Variants in HIP1 observed in about 807,000 individuals in gnomAD.
HIP1 encodes huntingtin interacting protein 1.
In HIP1, 65 loss-of-function variants were observed where a neutral mutation model predicts 147.6. That is an observed-to-expected ratio of 0.44 (90% CI 0.36 to 0.54). HIP1 has a LOEUF of 0.54. Among genes scored for constraint, HIP1 ranks in the 20% least tolerant of loss-of-function variants. HIP1 has a pLI of 0.00. For synonymous variants in HIP1, 479 were observed against 504.0 expected, an observed-to-expected ratio of 0.95 and a Z score of 0.67; for missense variants, 1,061 against 1,299.6, an observed-to-expected ratio of 0.82 and a Z score of 2.82.
chr7:75,568,197 A>G lies in HIP1; in HGVS notation c.803+2T>C, dbSNP rs782226067. 1.2e-6 allele frequency: 2 copies of G among 1,607,262 alleles called. No homozygotes were observed. The highest frequency in any genetic ancestry group is 1.7e-6 in the Non-Finnish European group (2 of 1,173,934). On this transcript the variant is annotated splice_donor_variant, in intron 9 of 30. Transcript: ENST00000336926. LOFTEE classifies it high-confidence loss of function. This position sits in a 1 kb window ranked among gnomAD's most constrained non-coding sequence, Gnocchi z 4.1. ...TCCATTCCTGTTACTTGAACCACTT[A>G]CTTTGTAAACTGCTCCATGAAGCGG...
intron 8 of HIP1, among the ~76,000 whole-genome samples, chr7:75,569,741 A>G (rs1406882485): frequency 1.3e-5 from 2 of 152,200 alleles, no homozygotes; most frequent in African/African-American, 4.8e-5. Flanking sequence ...TCAGGCAAAC[A>G]GAATTCAGGA....
chr7:75,535,117 T>C lies in HIP1; in HGVS notation c.*3055A>G, dbSNP rs746484138. 3 of 216,752 alleles carry C rather than the reference T, an allele frequency of 1.4e-5. No homozygotes were observed. The highest frequency in any genetic ancestry group is 2.8e-5 in the Non-Finnish European group (3 of 107,614). The allele number at this position is 216,752 out of a possible 1,614,324, so 13.4% of individuals were successfully genotyped here. On this transcript the variant is annotated 3_prime_UTR_variant, in exon 31 of 31. Transcript: ENST00000336926. ...AATTATGTGACATCTGACAGCTACT[T>C]CCTCATGTGACACTGAATTAGCCTC...
At chr7:75,565,969 C>T (rs181526210) in intron 9 of HIP1, among the ~76,000 whole-genome samples, 2 of 151,334 alleles carry the variant, frequency 1.3e-5, no homozygotes, top group East Asian at 3.9e-4. Flanking sequence ...TTGCTTCGGC[C>T]TCCCAAAGTG....
chr7:75,547,726 C>G, intron 24 of HIP1, 29 bp downstream of exon 24: 1 of 1,591,620 alleles, frequency 6.3e-7, no homozygotes, highest in Non-Finnish European at 8.6e-7. Flanking sequence ...TCCTGCTCCC[C>G]TAGGTCCCAC....
At chr7:75,573,042 C>T (rs76734560) in intron 8 of HIP1, among the ~76,000 whole-genome samples, 2,874 of 152,276 alleles carry the variant, frequency 0.019, 90 homozygotes, top group African/African-American at 0.066. Flanking sequence ...GGTGAAAGGG[C>T]GGGTCCCCGG....
chr7:75,605,693 G>C (rs187413765), intron 1 of HIP1, among the ~76,000 whole-genome samples: 1 of 152,052 alleles, frequency 6.6e-6, no homozygotes, highest in African/African-American at 2.4e-5. Context: ...ACATTACCAC[G>C]CCTGGCTAAT....
chr7:75,669,055 T>C, intron 1 of HIP1, among the ~76,000 whole-genome samples: 1 of 148,296 alleles, frequency 6.7e-6, no homozygotes, highest in Non-Finnish European at 1.5e-5. Flanking sequence ...TCGTTTCTAC[T>C]TAAAACAAAC....
At chr7:75,595,236 C>CTTTCTTTCTTTCTTTCTT (rs1796667169) in intron 2 of HIP1, among the ~76,000 whole-genome samples, 11 of 114,618 alleles carry the variant, frequency 9.6e-5, no homozygotes, top group African/African-American at 4.5e-4. Flanking sequence ...TTCTTTCTTT[C>CTTTCTTTCTTTCTTTCTT]TTTCTTTCTT....
At chr7:75,606,186 G>C (rs962095847) in intron 1 of HIP1, among the ~76,000 whole-genome samples, 10 of 152,208 alleles carry the variant, frequency 6.6e-5, no homozygotes, top group African/African-American at 2.4e-4. Flanking sequence ...AGGAAAAATG[G>C]AATCAAAATG....
intron 1 of HIP1, among the ~76,000 whole-genome samples, chr7:75,658,641 C>T (rs1032710046): frequency 1.3e-5 from 2 of 151,934 alleles, no homozygotes; most frequent in Admixed American, 6.6e-5. Flanking sequence ...GGAGGCCAGG[C>T]GCCGTGGCTC....
At position 75,564,514 on chromosome 7, in the gene HIP1, G is replaced by A. The variant is rs587693159; in HGVS notation, c.804-1251C>T. Among the ~76,000 whole-genome samples, 17 of 152,136 alleles carry A rather than the reference G, an allele frequency of 1.1e-4. No individual in the cohort carries two copies. The South Asian group carries it at 2.1e-3, about 19-fold the overall frequency. ...TCTCCATGTTGGTCAGGCTGGTTTC[G>A]AACTCCCGACCTCAGGTGATCCGCC... is the stretch of plus-strand genomic sequence containing the variant. On this transcript the variant is annotated intron_variant, in intron 9 of 30. Transcript: ENST00000336926.
chr7:75,575,931 C>G (rs192035425), intron 7 of HIP1, among the ~76,000 whole-genome samples: 28 of 152,186 alleles, frequency 1.8e-4, no homozygotes, highest in African/African-American at 6.5e-4. Flanking sequence ...AAAAAAATCC[C>G]GAACTGTTCT....
intron 2 of HIP1, among the ~76,000 whole-genome samples, chr7:75,595,236 C>CTTTCTTTCTTTCTTTCTTTCTTTCTT (rs1796667169): frequency 8.7e-6 from 1 of 114,618 alleles, no homozygotes; most frequent in African/African-American, 4.1e-5. Flanking sequence ...TTCTTTCTTT[C>CTTTCTTTCTTTCTTTCTTTCTTTCTT]TTTCTTTCTT....
intron 1 of HIP1, among the ~76,000 whole-genome samples, chr7:75,659,437 T>C (rs1455378628): frequency 6.6e-6 from 1 of 152,248 alleles, no homozygotes; most frequent in Middle Eastern, 3.4e-3. Context: ...GGTGTGTAGA[T>C]CACTTGATCG....
chr7:75,572,534 CAGAG>C (rs2116885810), intron 8 of HIP1, among the ~76,000 whole-genome samples: 2 of 152,302 alleles, frequency 1.3e-5, no homozygotes, highest in South Asian at 2.1e-4. Context: ...TAGAGGCAGA[CAGAG>C]AGGACCATCC....
chr7:75,559,844 G>T lies in HIP1; in HGVS notation c.1263C>A (p.His421Gln). The change falls in exon 14 of 31, where the codon CAC becomes CAA. Residue 421 changes from histidine (H) to glutamine (Q), a missense_variant. Physicochemically the swap from His to Gln is conservative, Grantham distance 24. Coordinates refer to ENST00000336926, the MANE Select transcript of HIP1 (RefSeq NM_005338.7). ...AGTCGTCGGCCGCCTGCTGCCGCAGGTGCTGCTGCTCGGCCAGATCTGCTT... is the reference window on the plus strand; with the variant it reads ...AGTCGTCGGCCGCCTGCTGCCGCAGTTGCTGCTGCTCGGCCAGATCTGCTT... ...ELEADLAEQQ[H>Q]LRQQAADDCE... 1 of 1,612,734 alleles carries T rather than the reference G, an allele frequency of 6.2e-7. No individual in the cohort carries two copies.
rs373753937 is a variant in HIP1, at chr7:75,688,384, G to A, written c.120+50417C>T. The stretch of plus-strand genomic sequence containing the variant: ...AAGGAAGAACGGCCGGGGGCGCGCC[G>A]GGTCCGGGCTCCCAGGGGAGTCCAT... On this transcript the variant is annotated intron_variant, in intron 1 of 30. Coordinates refer to ENST00000336926, the MANE Select transcript of HIP1 (RefSeq NM_005338.7). 1.6e-4 allele frequency among the ~76,000 whole-genome samples: 24 copies of A among 152,098 alleles called. No homozygotes were observed. In the East Asian group the frequency reaches 4.3e-3, roughly 27 times the overall value.
At chr7:75,701,012 C>T (rs1331984818) in intron 1 of HIP1, among the ~76,000 whole-genome samples, 2 of 152,078 alleles carry the variant, frequency 1.3e-5, no homozygotes, top group Non-Finnish European at 2.9e-5. Context: ...GCCCCTGACC[C>T]GGTGAAAACT....
rs1554497137 is a variant in HIP1 at position 75,573,883 on chromosome 7, A to G, written c.623T>C (p.Met208Thr). ...TGCCGTCACGGACACAGAGCGGGAC[A>G]TGTCCAGGGAGTTGAATACTAGGAA... Reference protein sequence around the residue: ...LFQTVFNSLDMSRSVSVTAAG... With the variant: ...LFQTVFNSLDTSRSVSVTAAG... The change falls in exon 8 of 31, where the codon ATG becomes ACG. Residue 208 changes from methionine (M) to threonine (T), a missense_variant. Met to Thr is a moderately conservative substitution (Grantham distance 81). Coordinates refer to ENST00000336926, the MANE Select transcript of HIP1 (RefSeq NM_005338.7). The G allele has an allele frequency of 3.7e-6, 6 of 1,613,246 alleles. No individual in the cohort carries two copies. Among genetic ancestry groups the G allele is most frequent in the Admixed American group, 3.3e-5 (2 of 59,936 alleles).
Sources: allele counts gnomAD v4.1 joint callset (sites outside exome capture counted in the v4.1 genomes callset), GRCh38; gene constraint gnomAD v4.1.1; non-coding constraint Gnocchi (gnomAD v3.1); transcripts MANE v1.5; gene names NCBI Gene and HGNC (gene_info 2026-07-23, HGNC 2026-07-21).